Variants in NELL1 observed in about 807,000 individuals in gnomAD.
NELL1 encodes neural EGFL like 1.
NELL1 carries 76 observed loss-of-function variants against 107.4 expected under a neutral mutation model. The ratio of observed to expected loss-of-function variants is 0.71; its 90% confidence interval spans 0.59 to 0.86. The LOEUF is 0.86. NELL1 is among the 40% of genes least tolerant of loss of function. The probability of loss-of-function intolerance (pLI) is 0.00; values close to 1 mark genes in which losing one functional copy is unlikely to be tolerated. For missense variants in NELL1, 1,024 were observed against 1,005.5 expected, an observed-to-expected ratio of 1.02 and a Z score of -0.25; for synonymous variants, 353 against 341.2, an observed-to-expected ratio of 1.03 and a Z score of -0.38.
At chr11:21,157,951 C>T (rs1335185208) in intron 13 of NELL1, among the ~76,000 whole-genome samples, 1 of 151,988 alleles carries the variant, frequency 6.6e-6, no homozygotes, top group East Asian at 1.9e-4. Flanking sequence ...GAGGGTGTTT[C>T]CAAAGGAAAT....
At chr11:21,243,828 A>G (rs1858423892) in intron 14 of NELL1, among the ~76,000 whole-genome samples, 2 of 151,638 alleles carry the variant, frequency 1.3e-5, no homozygotes, top group South Asian at 2.1e-4. Context: ...CTTTCAGTGT[A>G]GGTTTAAATT....
chr11:20,917,208 C>T (rs1850276822), intron 5 of NELL1, among the ~76,000 whole-genome samples: 1 of 151,978 alleles, frequency 6.6e-6, no homozygotes, highest in East Asian at 1.9e-4. Flanking sequence ...TGTCTTCTCT[C>T]ATAATCGCAA....
intron 13 of NELL1, chr11:21,169,899 G>A: frequency 4.1e-6 from 6 of 1,453,290 alleles, no homozygotes; most frequent in South Asian, 1.2e-5. Flanking sequence ...GATGTCCCCA[G>A]GTCGTCCACC....
intron 3 of NELL1, among the ~76,000 whole-genome samples, chr11:20,787,980 C>G (rs1857001944): frequency 6.6e-6 from 1 of 152,132 alleles, no homozygotes; most frequent in African/African-American, 2.4e-5. Context: ...TTTTGACTGG[C>G]TTCTCTAACT....
intron 10 of NELL1, among the ~76,000 whole-genome samples, chr11:20,945,687 A>T (rs1850948014): frequency 6.6e-6 from 1 of 152,220 alleles, no homozygotes. Flanking sequence ...AAGGTTACTA[A>T]CTTCCATTGA....
At chr11:21,105,259 C>G (rs1356830457) in intron 12 of NELL1, among the ~76,000 whole-genome samples, 1 of 152,148 alleles carries the variant, frequency 6.6e-6, no homozygotes, top group Non-Finnish European at 1.5e-5. Context: ...AAATAGCTCT[C>G]TCTCCTGCAG....
At chr11:21,251,325 G>C (rs939567786) in intron 14 of NELL1, among the ~76,000 whole-genome samples, 1 of 152,064 alleles carries the variant, frequency 6.6e-6, no homozygotes, top group Admixed American at 6.6e-5. Flanking sequence ...AGGGCATTCA[G>C]ATCCTCTATT....
chr11:21,079,256 T>C (rs1023265982), intron 12 of NELL1, among the ~76,000 whole-genome samples: 1 of 152,040 alleles, frequency 6.6e-6, no homozygotes, highest in South Asian at 2.1e-4. Context: ...TGAAAACACA[T>C]AAAGCAAATA....
At chr11:21,420,468 A>G (rs1852637942) in intron 15 of NELL1, among the ~76,000 whole-genome samples, 1 of 152,202 alleles carries the variant, frequency 6.6e-6, no homozygotes, top group Non-Finnish European at 1.5e-5. Context: ...ATGTCAATAA[A>G]TGGAAACTGA....
intron 3 of NELL1, among the ~76,000 whole-genome samples, chr11:20,829,593 T>C (rs1030324001): frequency 1.3e-5 from 2 of 152,018 alleles, no homozygotes; most frequent in African/African-American, 4.8e-5. Flanking sequence ...TTAATGAATA[T>C]AGGATTTTTT....
chr11:21,179,653 A>G (rs1431483204), intron 13 of NELL1, among the ~76,000 whole-genome samples: 2 of 151,938 alleles, frequency 1.3e-5, no homozygotes, highest in Non-Finnish European at 2.9e-5. Context: ...TCAAAGAGCA[A>G]GAAAAATATA....
chr11:21,106,622 GAA>G (rs1854976096), intron 12 of NELL1, among the ~76,000 whole-genome samples: 1 of 152,246 alleles, frequency 6.6e-6, no homozygotes, highest in East Asian at 1.9e-4. Context: ...AAGAGGAAAA[GAA>G]AGAGAGAGAG....
intron 13 of NELL1, among the ~76,000 whole-genome samples, chr11:21,165,350 A>C (rs554792853): frequency 5.3e-5 from 8 of 152,334 alleles, no homozygotes; most frequent in African/African-American, 1.7e-4. Context: ...TGATGACTTC[A>C]GAATTTTTGT....
chr11:20,738,319 A>G (rs11828765), intron 2 of NELL1, among the ~76,000 whole-genome samples: 1 of 152,058 alleles, frequency 6.6e-6, no homozygotes, highest in African/African-American at 2.4e-5. Context: ...ACAGGAGTGC[A>G]CAGTGCTGAG....
intron 15 of NELL1, among the ~76,000 whole-genome samples, chr11:21,489,453 A>G (rs1198678312): frequency 1.3e-5 from 2 of 149,252 alleles, no homozygotes. Flanking sequence ...TGAGGCCAAC[A>G]TTACCCTGAT....
At chr11:21,566,107 G>C (rs1412175492) in intron 17 of NELL1, among the ~76,000 whole-genome samples, 1 of 151,908 alleles carries the variant, frequency 6.6e-6, no homozygotes, top group Non-Finnish European at 1.5e-5. Context: ...AAGACCCACA[G>C]ACAAAATGTA....
chr11:20,965,059 G>C (rs1048783996), intron 12 of NELL1, among the ~76,000 whole-genome samples: 2 of 152,114 alleles, frequency 1.3e-5, no homozygotes, highest in Admixed American at 6.6e-5. Flanking sequence ...AACTCTTGTG[G>C]GTTCAGAAGG....
intron 11 of NELL1, among the ~76,000 whole-genome samples, chr11:20,954,182 G>A (rs529519808): frequency 6.6e-6 from 1 of 152,194 alleles, no homozygotes; most frequent in Non-Finnish European, 1.5e-5. Flanking sequence ...GATAATGTAT[G>A]TAATTTTATG....
chr11:21,527,935 C>T (rs1564942242), intron 15 of NELL1, among the ~76,000 whole-genome samples: 1 of 152,154 alleles, frequency 6.6e-6, no homozygotes, highest in African/African-American at 2.4e-5. Context: ...GGTGGGTCTG[C>T]CTCTCCCAGT....
Sources: gnomAD v4.1 joint callset for allele counts (sites outside exome capture counted in the v4.1 genomes callset) on GRCh38, gnomAD v4.1.1 for gene constraint, MANE v1.5 for transcripts, NCBI Gene and HGNC (gene_info 2026-07-23, HGNC 2026-07-21) for gene names.